The following RUNDC3B variants were observed in gnomAD, a reference collection of about 807,000 sequenced individuals.
The protein encoded by RUNDC3B is RUN domain containing 3B.
RUNDC3B carries 33 observed loss-of-function variants against 58.4 expected under a neutral mutation model. The observed-to-expected ratio is 0.56, with a 90% CI of 0.43 to 0.75. The LOEUF is 0.75. Among genes scored for constraint, RUNDC3B ranks in the 30% least tolerant of loss-of-function variants. The pLI, the probability that RUNDC3B is intolerant of heterozygous loss-of-function variation, is 0.00. For synonymous variants in RUNDC3B, 193 were observed against 195.2 expected, an observed-to-expected ratio of 0.99 and a Z score of 0.10; for missense variants, 501 against 535.7, an observed-to-expected ratio of 0.94 and a Z score of 0.64.
chr7:87,813,510 TACTA>T (rs1354511532), intron 9 of RUNDC3B, among the ~76,000 whole-genome samples: 2 of 152,180 alleles, frequency 1.3e-5, no homozygotes, highest in African/African-American at 2.4e-5. Flanking sequence ...AATTTAGAAA[TACTA>T]ACAAGTTTTC....
intron 10 of RUNDC3B, among the ~76,000 whole-genome samples, chr7:87,824,194 A>C (rs1046990080): frequency 2.6e-5 from 4 of 152,246 alleles, no homozygotes; most frequent in African/African-American, 7.2e-5. Flanking sequence ...TTCAAATTGG[A>C]AATCAAAACC....
At chr7:87,827,258 C>T (rs566860892) in intron 10 of RUNDC3B, among the ~76,000 whole-genome samples, 6 of 152,126 alleles carry the variant, frequency 3.9e-5, no homozygotes, top group South Asian at 4.2e-4. Flanking sequence ...GAGGCTGAGG[C>T]GGGCAGATCA....
chr7:87,804,382 G>C (rs1836327580), intron 8 of RUNDC3B, among the ~76,000 whole-genome samples: 1 of 152,100 alleles, frequency 6.6e-6, no homozygotes, highest in Non-Finnish European at 1.5e-5. Flanking sequence ...GGCTTGACTG[G>C]ATTATATGTA....
chr7:87,773,346 A>G (rs1834400317), intron 7 of RUNDC3B, among the ~76,000 whole-genome samples: 1 of 151,224 alleles, frequency 6.6e-6, no homozygotes, highest in South Asian at 2.1e-4. Context: ...AAAAAAAAGT[A>G]AGCATTCACA....
At chr7:87,740,937 G>C (rs569892003) in intron 5 of RUNDC3B, among the ~76,000 whole-genome samples, 49 of 152,226 alleles carry the variant, frequency 3.2e-4, no homozygotes, top group Admixed American at 1.8e-3. Flanking sequence ...AGGCGCGGTG[G>C]CTTTCACCTG....
intron 2 of RUNDC3B, among the ~76,000 whole-genome samples, chr7:87,658,071 A>C (rs549774400): frequency 6.6e-6 from 1 of 152,224 alleles, no homozygotes; most frequent in African/African-American, 2.4e-5. Flanking sequence ...TAGTCAATAG[A>C]TGTCAACACT....
At chr7:87,638,652 A>G (rs1275588242) in intron 1 of RUNDC3B, among the ~76,000 whole-genome samples, 2 of 151,044 alleles carry the variant, frequency 1.3e-5, no homozygotes, top group Non-Finnish European at 3.0e-5. Context: ...TATCCTCTTA[A>G]TGTCTTTTTA....
At chr7:87,755,686 A>G (rs535921566) in intron 6 of RUNDC3B, among the ~76,000 whole-genome samples, 1 of 152,142 alleles carries the variant, frequency 6.6e-6, no homozygotes, top group South Asian at 2.1e-4. Context: ...TGCATTAAAA[A>G]CTCTCAATAA....
At chr7:87,736,108 G>A (rs1023273844) in intron 4 of RUNDC3B, among the ~76,000 whole-genome samples, 1 of 152,006 alleles carries the variant, frequency 6.6e-6, no homozygotes, top group Non-Finnish European at 1.5e-5. Flanking sequence ...TGTTTTATAT[G>A]TCATGAGGGA....
At chr7:87,674,569 C>A (rs1480062353) in intron 2 of RUNDC3B, among the ~76,000 whole-genome samples, 1 of 151,940 alleles carries the variant, frequency 6.6e-6, no homozygotes, top group Non-Finnish European at 1.5e-5. Context: ...AGGGCATGGG[C>A]AAATAGTATA....
Position 87,777,907 on chromosome 7 carries a change from T to G in RUNDC3B, c.908T>G (p.Leu303Arg), listed in dbSNP as rs1834726682. 1 of 1,613,586 alleles carries G rather than the reference T, an allele frequency of 6.2e-7. No homozygotes were observed. Among genetic ancestry groups the G allele is most frequent in the Non-Finnish European group, 8.5e-7 (1 of 1,179,784 alleles). Residue 303 changes from leucine (L) to arginine (R), a missense_variant, in exon 8 of 11, where the codon CTG becomes CGG. Physicochemically the swap from Leu to Arg is moderately radical, Grantham distance 102. Transcript: ENST00000394654. Reference sequence around the variant, plus strand: ...GAAGATTCCGATCTGGCTCATAAACTGGAGAAGGAACAATTAGAATATATA... The same window carrying G: ...GAAGATTCCGATCTGGCTCATAAACGGGAGAAGGAACAATTAGAATATATA... ...RIEDSDLAHK[L>R]EKEQLEYIIV...
chr7:87,679,937 A>G (rs980668929), intron 2 of RUNDC3B, among the ~76,000 whole-genome samples: 1 of 150,552 alleles, frequency 6.6e-6, no homozygotes, highest in Non-Finnish European at 1.5e-5. Flanking sequence ...TTTTTAAACA[A>G]ATTATACTTT....
intron 4 of RUNDC3B, among the ~76,000 whole-genome samples, chr7:87,733,895 C>A (rs576085496): frequency 7.9e-5 from 12 of 152,202 alleles, no homozygotes; most frequent in Admixed American, 4.6e-4. Context: ...GGGGTGGGGA[C>A]CCCTGCGATA....
At chr7:87,751,120 C>G (rs1185056236) in intron 6 of RUNDC3B, among the ~76,000 whole-genome samples, 1 of 152,154 alleles carries the variant, frequency 6.6e-6, no homozygotes, top group African/African-American at 2.4e-5. Context: ...TTCCCAGCAC[C>G]ATTTATTAAA....
chr7:87,737,282 T>C (rs1298267181), intron 4 of RUNDC3B, among the ~76,000 whole-genome samples: 1 of 152,090 alleles, frequency 6.6e-6, no homozygotes, highest in Non-Finnish European at 1.5e-5. Flanking sequence ...GGATTAGTCA[T>C]CTCAGGCTTT....
intron 2 of RUNDC3B, among the ~76,000 whole-genome samples, chr7:87,692,466 C>T (rs999765364): frequency 2.6e-5 from 4 of 152,110 alleles, no homozygotes; most frequent in African/African-American, 9.7e-5. Context: ...CTTAAACAAT[C>T]AAACACAAAA....
At chr7:87,798,454 T>A (rs1029596369) in intron 8 of RUNDC3B, among the ~76,000 whole-genome samples, 4 of 152,210 alleles carry the variant, frequency 2.6e-5, no homozygotes, top group Non-Finnish European at 4.4e-5. Context: ...CACTTACATT[T>A]CTTTTTATTT....
intron 8 of RUNDC3B, among the ~76,000 whole-genome samples, chr7:87,800,797 C>G (rs1379512500): frequency 1.3e-5 from 2 of 151,942 alleles, no homozygotes; most frequent in Non-Finnish European, 2.9e-5. Context: ...CAAGCATGTA[C>G]CACCTTGCTC....
At chr7:87,650,775 G>C (rs769387965) in intron 1 of RUNDC3B, 47 bp from the exon 2 acceptor site, 1 of 1,147,042 alleles carries the variant, frequency 8.7e-7, no homozygotes. Flanking sequence ...CATACTTAGG[G>C]AATGAATCAA....
Sources: gnomAD v4.1 joint callset for allele counts (sites outside exome capture counted in the v4.1 genomes callset) on GRCh38, gnomAD v4.1.1 for gene constraint, MANE v1.5 for transcripts, NCBI Gene and HGNC (gene_info 2026-07-23, HGNC 2026-07-21) for gene names.